DNER: variants seen among roughly 807,000 people sequenced by gnomAD.
The protein encoded by DNER is delta/notch like EGF repeat containing, also known as delta and Notch-like epidermal growth factor-related receptor.
Under a neutral mutation model 78.2 loss-of-function variants are expected in DNER, and 33 were observed. That is an observed-to-expected ratio of 0.42 (90% CI 0.32 to 0.56). The LOEUF (loss-of-function observed/expected upper bound fraction) is 0.56, where lower values mean the gene tolerates loss of function less well. DNER is among the 20% of genes least tolerant of loss of function. The pLI, the probability that DNER is intolerant of heterozygous loss-of-function variation, is 0.11. For missense variants in DNER, 918 were observed against 975.3 expected, an observed-to-expected ratio of 0.94 and a Z score of 0.78; for synonymous variants, 417 against 384.8, an observed-to-expected ratio of 1.08 and a Z score of -0.98.
intron 9 of DNER, among the ~76,000 whole-genome samples, chr2:229,412,875 C>T (rs148688559): frequency 8.1e-4 from 123 of 152,272 alleles, no homozygotes; most frequent in African/African-American, 2.8e-3. Flanking sequence ...CACCAAATGA[C>T]TTCAATTACT....
chr2:229,364,575 C>A (rs748404331), intron 12 of DNER, among the ~76,000 whole-genome samples: 1 of 152,112 alleles, frequency 6.6e-6, no homozygotes, highest in Non-Finnish European at 1.5e-5. Flanking sequence ...AGTTCTCTGT[C>A]CTCCCTCGCA....
At chr2:229,621,414 CTT>C (rs1449107208) in intron 1 of DNER, among the ~76,000 whole-genome samples, 1 of 152,208 alleles carries the variant, frequency 6.6e-6, no homozygotes, top group Non-Finnish European at 1.5e-5. Flanking sequence ...CCCGATGCTA[CTT>C]CCCAGCCATG....
chr2:229,625,923 T>G (rs1439552557), intron 1 of DNER, among the ~76,000 whole-genome samples: 43 of 150,438 alleles, frequency 2.9e-4, no homozygotes, highest in Non-Finnish European at 5.8e-4. Flanking sequence ...GTTGTTTGTT[T>G]TTTGTTTTTT....
chr2:229,423,542 G>A (rs1240039626), intron 8 of DNER, among the ~76,000 whole-genome samples: 1 of 151,294 alleles, frequency 6.6e-6, no homozygotes, highest in East Asian at 1.9e-4. Context: ...TTGAACCTGT[G>A]AGGCAGAGGT....
At position 229,512,847 on chromosome 2, in the gene DNER, G is replaced by A. The variant is rs775531552; in HGVS notation, c.1083C>T (p.Asn361=). The A allele has an allele frequency of 2.9e-5, 47 of 1,614,030 alleles. No individual in the cohort carries two copies. The highest frequency in any genetic ancestry group is 5.0e-5 in the Admixed American group (3 of 60,002). ...TTTCATTTGCATCAATACAGCTCGC[G>A]TTGTTTTGGCAAGGTTTCCTCTGGC... The part of the protein sequence containing the change: ...DACQRKPCQN[N]ASCIDANEKQ... Residue 361 remains asparagine (N), a synonymous_variant, in exon 6 of 13, where the codon AAC becomes AAT. Transcript: ENST00000341772.
chr2:229,506,381 C>G (rs2154212126), intron 6 of DNER, among the ~76,000 whole-genome samples: 1 of 152,242 alleles, frequency 6.6e-6, no homozygotes, highest in Admixed American at 6.5e-5. Context: ...TCCACCTCAT[C>G]CCACCCTTGA....
At chr2:229,388,496 T>G in intron 10 of DNER, 100 bp from the exon 11 acceptor site, 1 of 1,357,608 alleles carries the variant, frequency 7.4e-7, no homozygotes, top group Non-Finnish European at 9.6e-7. Context: ...GGTCATAACC[T>G]TTAGCAATAG....
intron 1 of DNER, among the ~76,000 whole-genome samples, chr2:229,678,144 C>T (rs1420697179): frequency 6.6e-6 from 1 of 152,188 alleles, no homozygotes; most frequent in East Asian, 1.9e-4. Flanking sequence ...CCATGCATGG[C>T]AGCAAGCAAG....
intron 6 of DNER, among the ~76,000 whole-genome samples, chr2:229,491,961 ACACAC>A (rs1156800419): frequency 5.9e-5 from 9 of 152,048 alleles, no homozygotes; most frequent in African/African-American, 2.2e-4. Flanking sequence ...ACACACACAC[ACACAC>A]ACACACACAC....
At chr2:229,555,767 T>A (rs1209613057) in intron 4 of DNER, among the ~76,000 whole-genome samples, 1 of 149,886 alleles carries the variant, frequency 6.7e-6, no homozygotes, top group Non-Finnish European at 1.5e-5. Flanking sequence ...ATCATTTGGA[T>A]GTACAAATTC....
chr2:229,570,649 T>C (rs1446175154), intron 4 of DNER, among the ~76,000 whole-genome samples: 1 of 148,876 alleles, frequency 6.7e-6, no homozygotes, highest in East Asian at 2.0e-4. Flanking sequence ...TCAAGAGTGA[T>C]ACATTCTATG....
chr2:229,497,542 C>T (rs905662438), intron 6 of DNER, among the ~76,000 whole-genome samples: 1 of 151,198 alleles, frequency 6.6e-6, no homozygotes, highest in Non-Finnish European at 1.5e-5. Context: ...GTCAACAAAA[C>T]TTTAGCTAGA....
At chr2:229,479,978 T>C (rs985042049) in intron 6 of DNER, among the ~76,000 whole-genome samples, 2 of 152,148 alleles carry the variant, frequency 1.3e-5, no homozygotes, top group African/African-American at 2.4e-5. Flanking sequence ...GATGTCAGAA[T>C]TGCGACCACA....
At chr2:229,440,620 A>C (rs1694212039) in intron 8 of DNER, among the ~76,000 whole-genome samples, 2 of 152,060 alleles carry the variant, frequency 1.3e-5, no homozygotes, top group African/African-American at 2.4e-5. Context: ...AACTCTCTCT[A>C]TATTTTTTCC....
intron 7 of DNER, among the ~76,000 whole-genome samples, chr2:229,449,909 G>C (rs571517961): frequency 3.9e-4 from 60 of 152,276 alleles, no homozygotes; most frequent in African/African-American, 1.3e-3. Flanking sequence ...AGCCTCCTGA[G>C]TAGCTGTGAT....
At chr2:229,675,074 C>T (rs147731062) in intron 1 of DNER, among the ~76,000 whole-genome samples, 61 of 152,158 alleles carry the variant, frequency 4.0e-4, no homozygotes, top group African/African-American at 1.4e-3. Context: ...TGGGGACTGT[C>T]GACACATGTG....
intron 4 of DNER, among the ~76,000 whole-genome samples, chr2:229,551,306 C>T (rs991727792): frequency 3.3e-5 from 5 of 152,124 alleles, no homozygotes; most frequent in Admixed American, 6.5e-5. Flanking sequence ...CAGATTGAGC[C>T]TCTAAAAATT....
intron 7 of DNER, among the ~76,000 whole-genome samples, chr2:229,453,918 A>AT (rs1182325975): frequency 4.1e-5 from 4 of 98,066 alleles, no homozygotes; most frequent in Middle Eastern, 4.9e-3. Context: ...AATAAAATAT[A>AT]TTAAAAAAAA....
intron 5 of DNER, among the ~76,000 whole-genome samples, chr2:229,534,424 T>C (rs973311204): frequency 1.3e-5 from 2 of 152,272 alleles, no homozygotes. Context: ...CAATAGATTG[T>C]AATGAAACAG....
Sources: gnomAD v4.1 joint callset for allele counts (sites outside exome capture counted in the v4.1 genomes callset) on GRCh38, gnomAD v4.1.1 for gene constraint, MANE v1.5 for transcripts, NCBI Gene and HGNC (gene_info 2026-07-23, HGNC 2026-07-21) for gene names.